WAPL: variants seen among roughly 807,000 people sequenced by gnomAD.
WAPL encodes the protein wings apart-like protein homolog.
A neutral mutation model predicts 121.0 loss-of-function variants in WAPL; 5 were observed. The ratio of observed to expected loss-of-function variants is 0.04; its 90% CI spans 0.02 to 0.09. WAPL has a LOEUF of 0.09. Ranked by LOEUF, WAPL falls within the 10% of genes least tolerant of loss-of-function variation. The probability of loss-of-function intolerance (pLI) is 1.00; values close to 1 mark genes in which losing one functional copy is unlikely to be tolerated. For synonymous variants in WAPL, 480 were observed against 481.5 expected (o/e 1.00, Z 0.04); for missense variants, 999 against 1,410.8 (o/e 0.71, Z 4.68).
In WAPL at chr10:86,472,549, ATGGC is replaced by A; in HGVS notation, c.1893+59_1893+62del. 1 of 1,580,064 alleles carries A rather than the reference ATGGC, an allele frequency of 6.3e-7. No individual in the cohort carries two copies. Among genetic ancestry groups the A allele is most frequent in the Non-Finnish European group, 8.6e-7 (1 of 1,164,340 alleles). ...TACTGATATTTGTTGAAGATATTAA[ATGGC>A]TAAATGTTACATACAAAAATCTATC... On this transcript the variant is annotated intron_variant, in intron 6 of 18. Transcript: ENST00000298767. The surrounding 1 kb of genome is among the most constrained non-coding windows in gnomAD (Gnocchi z 4.2).
At chr10:86,449,125 A>T (rs1840906340) in intron 15 of WAPL, among the ~76,000 whole-genome samples, 1 of 152,262 alleles carries the variant, frequency 6.6e-6, no homozygotes, top group Admixed American at 6.5e-5. Context: ...GAACAGCTAG[A>T]AAGAGGAAAG....
rs369045806 is a variant in WAPL, at chr10:86,467,921, G to A, written c.2143-415C>T. 3.3e-5 allele frequency among the ~76,000 whole-genome samples: 5 copies of A among 151,728 alleles called. No homozygotes were observed. The South Asian group carries it at 6.2e-4, about 19-fold the overall frequency. ...TCTCGATCTCCTGACTTCGTGATCCGCCCACCTCGGCCTCCCAAAATGCTG... is the reference window on the plus strand; with the variant it reads ...TCTCGATCTCCTGACTTCGTGATCCACCCACCTCGGCCTCCCAAAATGCTG... On this transcript the variant is annotated intron_variant, in intron 8 of 18. Transcript: ENST00000298767.
chr10:86,494,652 T>G (rs936384797), intron 4 of WAPL, among the ~76,000 whole-genome samples: 1 of 152,216 alleles, frequency 6.6e-6, no homozygotes, highest in Non-Finnish European at 1.5e-5. Flanking sequence ...TTTGAAAGAT[T>G]TGCATAATTC....
intron 4 of WAPL, among the ~76,000 whole-genome samples, chr10:86,485,533 T>C (rs1444508168): frequency 1.3e-5 from 2 of 151,794 alleles, no homozygotes; most frequent in African/African-American, 4.8e-5. Flanking sequence ...CGAGACTCCA[T>C]ATCCAAAACA....
intron 15 of WAPL, among the ~76,000 whole-genome samples, chr10:86,447,321 A>G (rs1373181220): frequency 6.6e-6 from 1 of 152,228 alleles, no homozygotes; most frequent in Non-Finnish European, 1.5e-5. Context: ...AATGTATTAG[A>G]AGAGAATGAT....
intron 2 of WAPL, among the ~76,000 whole-genome samples, chr10:86,503,644 C>T (rs144954273): frequency 6.7e-6 from 1 of 150,104 alleles, no homozygotes; most frequent in East Asian, 2.0e-4. Context: ...TTCCAGCTAC[C>T]CGGGAGGCTG....
chr10:86,461,540 T>C (rs537361674), intron 9 of WAPL, among the ~76,000 whole-genome samples: 3 of 152,318 alleles, frequency 2.0e-5, no homozygotes, highest in African/African-American at 7.2e-5. Context: ...GGTACTCTTA[T>C]TTCTACAGTA....
intron 4 of WAPL, among the ~76,000 whole-genome samples, chr10:86,480,329 A>C (rs1021098006): frequency 5.3e-5 from 8 of 152,224 alleles, no homozygotes; most frequent in Non-Finnish European, 8.8e-5. Flanking sequence ...ATTGGTAGCC[A>C]CGGTTTTATT....
At chr10:86,519,224 T>C (rs942115507) in intron 1 of WAPL, among the ~76,000 whole-genome samples, 4 of 152,216 alleles carry the variant, frequency 2.6e-5, no homozygotes, top group African/African-American at 7.2e-5. Flanking sequence ...TAAAAAGTTA[T>C]AGTACTTTTT....
In WAPL at chr10:86,500,074, G is replaced by T; in HGVS notation, c.1169C>A (p.Ala390Glu). ...SMDEFTASTPADLGEAGRLRK... is the reference protein window; with the variant it reads ...SMDEFTASTPEDLGEAGRLRK... ...GAGACGACCAGCTTCTCCCAAATCTGCAGGAGTGGATGCAGTGAACTCATC... is the reference window on the plus strand; with the variant it reads ...GAGACGACCAGCTTCTCCCAAATCTTCAGGAGTGGATGCAGTGAACTCATC... Residue 390 changes from alanine (A) to glutamate (E), a missense_variant, in exon 3 of 19, where the codon GCA (alanine) becomes GAA (glutamate). Transcript: ENST00000298767. 1.9e-6 allele frequency: 3 copies of T among 1,614,126 alleles called. No individual in the cohort carries two copies. The highest frequency in any genetic ancestry group is 1.1e-5 in the South Asian group (1 of 91,078).
chr10:86,467,137 A>G, intron 9 of WAPL, 142 bp downstream of exon 9: 2 of 690,566 alleles, frequency 2.9e-6, no homozygotes, highest in East Asian at 2.7e-5. Flanking sequence ...AATTATGCTC[A>G]GATCTAAACA....
chr10:86,512,702 C>A (rs1385073319), intron 2 of WAPL, among the ~76,000 whole-genome samples: 1 of 152,144 alleles, frequency 6.6e-6, no homozygotes, highest in Non-Finnish European at 1.5e-5. Flanking sequence ...AGATTAGATA[C>A]AGAAGTATTT....
At chr10:86,503,491 G>C (rs1023521601) in intron 2 of WAPL, among the ~76,000 whole-genome samples, 3 of 151,732 alleles carry the variant, frequency 2.0e-5, no homozygotes, top group Non-Finnish European at 4.4e-5. Context: ...GGTGGCTCAT[G>C]CCTGTAATCC....
chr10:86,472,511 C>G lies in WAPL; in HGVS notation c.1893+101G>C, dbSNP rs1589513462. On this transcript the variant is annotated intron_variant, in intron 6 of 18. Coordinates refer to ENST00000298767, the MANE Select transcript of WAPL (RefSeq NM_015045.5). The surrounding 1 kb of genome is among the most constrained non-coding windows in gnomAD (Gnocchi z 4.2). ...GACAAAAGAAGTTTGTGGTTCAAAA[C>G]TGAGTATCAGTATACTGATATTTGT... The G allele has an allele frequency of 3.3e-6, 5 of 1,525,418 alleles. No individual in the cohort carries two copies. In the Admixed American group the frequency reaches 1.1e-4, roughly 34 times the overall value. The allele number at this position is 1,525,418 out of a possible 1,614,324, so 94.5% of individuals were successfully genotyped here.
chr10:86,435,940 C>T lies in WAPL; in HGVS notation c.*1603G>A, dbSNP rs1306759248. On this transcript the variant is annotated 3_prime_UTR_variant, in exon 19 of 19. Transcript: ENST00000298767. The stretch of plus-strand genomic sequence containing the variant: ...TTTTAAAAGTATTTTGCTAAGCTAG[C>T]TTTAATACTCAGGGCAAATACAATC... 6.6e-6 allele frequency: 1 copy of T among 152,182 alleles called. No individual in the cohort carries two copies. The highest frequency in any genetic ancestry group is 1.9e-4 in the East Asian group (1 of 5,196). 9.4% of individuals were successfully genotyped at this position (152,182 alleles called of 1,614,324 possible). A position where few individuals can be genotyped will look rare whatever the true frequency, so the allele number is the denominator to read the frequency against.
chr10:86,467,082 C>T (rs1841415923), intron 9 of WAPL, 197 bp downstream of exon 9: 1 of 557,458 alleles, frequency 1.8e-6, no homozygotes, highest in South Asian at 2.2e-5. Context: ...GGGCAAAAAG[C>T]CTAAATACAG....
Position 86,446,229 on chromosome 10 carries a change from A to G in WAPL, c.3322+13T>C. ...TATCTTCAATTTAAATACACCATTC[A>G]AAGTAAATATACCTTTATTGAGGTC... On this transcript the variant is annotated intron_variant, in intron 16 of 18. Coordinates refer to ENST00000298767, the MANE Select transcript of WAPL (RefSeq NM_015045.5). The G allele has an allele frequency of 6.2e-7, 1 of 1,612,828 alleles. No individual in the cohort carries two copies. The highest frequency in any genetic ancestry group is 1.1e-5 in the South Asian group (1 of 90,822).
chr10:86,492,497 A>G (rs780282504), intron 4 of WAPL, among the ~76,000 whole-genome samples: 4 of 152,188 alleles, frequency 2.6e-5, no homozygotes. Flanking sequence ...CACAACCTTA[A>G]CTAGGTGGTC....
intron 2 of WAPL, among the ~76,000 whole-genome samples, chr10:86,503,601 A>C (rs536841632): frequency 1.3e-5 from 2 of 151,990 alleles, no homozygotes; most frequent in African/African-American, 4.8e-5. Flanking sequence ...AAATACAAAA[A>C]AATGAGCCAG....
Sources: allele counts gnomAD v4.1 joint callset (sites outside exome capture counted in the v4.1 genomes callset), GRCh38; gene constraint gnomAD v4.1.1; non-coding constraint Gnocchi (gnomAD v3.1); transcripts MANE v1.5; gene names NCBI Gene and HGNC (gene_info 2026-07-23, HGNC 2026-07-21).